The following ARHGEF3 variants were observed in gnomAD, a reference collection of about 807,000 sequenced individuals.
ARHGEF3 encodes the protein 59.8 kDA protein.
A neutral mutation model predicts 63.2 loss-of-function variants in ARHGEF3; 28 were observed. The ratio of observed to expected loss-of-function variants is 0.44; its 90% CI spans 0.33 to 0.61. The LOEUF (loss-of-function observed/expected upper bound fraction) is 0.61, where lower values mean the gene tolerates loss of function less well. Ranked by LOEUF, ARHGEF3 falls within the 20% of genes least tolerant of loss-of-function variation. ARHGEF3 has a pLI of 0.03. For synonymous variants in ARHGEF3, 266 were observed against 254.2 expected, an observed-to-expected ratio of 1.05 and a Z score of -0.44; for missense variants, 533 against 659.3, an observed-to-expected ratio of 0.81 and a Z score of 2.10.
chr3:56,902,322 G>A (rs946454866), intron 3 of ARHGEF3, among the ~76,000 whole-genome samples: 18 of 152,216 alleles, frequency 1.2e-4, no homozygotes, highest in African/African-American at 4.3e-4. Context: ...AGGATCTCAT[G>A]TGTGTGCGCG....
intron 1 of ARHGEF3, among the ~76,000 whole-genome samples, chr3:57,041,958 C>G (rs1704204762): frequency 6.6e-6 from 1 of 152,158 alleles, no homozygotes; most frequent in Non-Finnish European, 1.5e-5. Context: ...GCCACCACCC[C>G]CGAGGGCTGA....
At chr3:56,824,005 A>G (rs4132716) in intron 4 of ARHGEF3, among the ~76,000 whole-genome samples, 2 of 134,464 alleles carry the variant, frequency 1.5e-5, no homozygotes, top group Admixed American at 7.4e-5. Flanking sequence ...AAAAAAAAAA[A>G]CAGAACGAGC....
chr3:57,047,692 G>A (rs1233976479), intron 1 of ARHGEF3, among the ~76,000 whole-genome samples: 1 of 152,138 alleles, frequency 6.6e-6, no homozygotes, highest in Non-Finnish European at 1.5e-5. Context: ...AAAGCCTTTT[G>A]GAGATCCCCC....
chr3:56,739,679 T>C (rs139956055), intron 7 of ARHGEF3, among the ~76,000 whole-genome samples: 1,665 of 151,540 alleles, frequency 0.011, 32 homozygotes, highest in African/African-American at 0.038. Flanking sequence ...GGATTACAGG[T>C]GTGAGCCACT....
At chr3:56,779,604 ATTC>A (rs749050063) in intron 1 of ARHGEF3, among the ~76,000 whole-genome samples, 62 of 152,244 alleles carry the variant, frequency 4.1e-4, no homozygotes, top group Non-Finnish European at 7.6e-4. Flanking sequence ...GCCATGGACA[ATTC>A]TTTAATTCCT....
chr3:56,751,507 C>A, intron 4 of ARHGEF3, 111 bp from the exon 5 acceptor site: 2 of 827,584 alleles, frequency 2.4e-6, no homozygotes, highest in East Asian at 5.4e-5. Context: ...TTCTGGCTCT[C>A]TAACAACTTC....
intron 1 of ARHGEF3, among the ~76,000 whole-genome samples, chr3:56,792,087 G>C (rs542132899): frequency 9.7e-5 from 13 of 133,972 alleles, no homozygotes; most frequent in African/African-American, 3.5e-4. Flanking sequence ...GACTGGACAA[G>C]AGTGAGACTC....
intron 9 of ARHGEF3, chr3:56,731,882 G>A (rs945964306): frequency 1.0e-5 from 4 of 395,394 alleles, no homozygotes; most frequent in South Asian, 4.4e-5. Flanking sequence ...CCACCATAAC[G>A]CAACTGGCAT....
At chr3:56,878,966 A>G (rs988646081) in intron 4 of ARHGEF3, among the ~76,000 whole-genome samples, 1 of 152,036 alleles carries the variant, frequency 6.6e-6, no homozygotes. Flanking sequence ...AGGAGCACAC[A>G]CCCTATTGTG....
chr3:56,814,420 A>G (rs2038189019), intron 4 of ARHGEF3, among the ~76,000 whole-genome samples: 1 of 152,216 alleles, frequency 6.6e-6, no homozygotes, highest in African/African-American at 2.4e-5. Context: ...TCTGCTTTAG[A>G]ATGAGAAGCC....
intron 4 of ARHGEF3, among the ~76,000 whole-genome samples, chr3:56,818,227 ACT>A (rs201792440): frequency 0.014 from 2,186 of 151,968 alleles, 21 homozygotes; most frequent in Non-Finnish European, 0.025. Flanking sequence ...AAATTCTGAA[ACT>A]CTACTGAAAA....
chr3:57,014,029 G>T (rs971215174), intron 2 of ARHGEF3, among the ~76,000 whole-genome samples: 4 of 152,184 alleles, frequency 2.6e-5, no homozygotes, highest in Admixed American at 6.6e-5. Context: ...TTTATGAGCT[G>T]TAACACTCAC....
chr3:57,003,401 C>CAAAAAAAAAAAAAA (rs60214570), intron 2 of ARHGEF3, among the ~76,000 whole-genome samples: 3 of 43,728 alleles, frequency 6.9e-5, no homozygotes, highest in African/African-American at 2.0e-4. Context: ...GACGCCGTCT[C>CAAAAAAAAAAAAAA]AAAAAAAAAA....
At chr3:56,856,035 G>A (rs2039866284) in intron 4 of ARHGEF3, among the ~76,000 whole-genome samples, 1 of 152,194 alleles carries the variant, frequency 6.6e-6, no homozygotes, top group African/African-American at 2.4e-5. Context: ...AAGGAGCAGA[G>A]AGCCTGCAGA....
intron 4 of ARHGEF3, among the ~76,000 whole-genome samples, chr3:56,818,351 T>C (rs1346229851): frequency 1.3e-5 from 2 of 152,214 alleles, no homozygotes; most frequent in African/African-American, 4.8e-5. Context: ...CAAAGCTATG[T>C]TTGCACAGCG....
chr3:56,991,014 C>A (rs1221624529), intron 2 of ARHGEF3, among the ~76,000 whole-genome samples: 2 of 152,136 alleles, frequency 1.3e-5, no homozygotes, highest in African/African-American at 4.8e-5. Context: ...GTCCTAATCA[C>A]CGAATTCTCC....
intron 1 of ARHGEF3, among the ~76,000 whole-genome samples, chr3:57,042,584 C>G (rs1484428752): frequency 2.7e-5 from 4 of 146,874 alleles, no homozygotes; most frequent in Non-Finnish European, 4.5e-5. Flanking sequence ...TCATGGCTCC[C>G]CGCTCTCCAA....
intron 2 of ARHGEF3, among the ~76,000 whole-genome samples, chr3:56,990,687 C>T (rs1223081909): frequency 3.3e-5 from 5 of 152,190 alleles, no homozygotes; most frequent in Non-Finnish European, 7.3e-5. Flanking sequence ...TAACCAAAGC[C>T]TAAGTCTGGA....
intron 2 of ARHGEF3, among the ~76,000 whole-genome samples, chr3:56,769,468 T>A (rs1434422176): frequency 6.6e-6 from 1 of 152,332 alleles, no homozygotes; most frequent in African/African-American, 2.4e-5. Flanking sequence ...AGCCATGCAG[T>A]CAGGCTGTCC....
Sources: gnomAD v4.1 joint callset for allele counts (sites outside exome capture counted in the v4.1 genomes callset) on GRCh38, gnomAD v4.1.1 for gene constraint, MANE v1.5 for transcripts, NCBI Gene and HGNC (gene_info 2026-07-23, HGNC 2026-07-21) for gene names.